The following AK4 variants were observed in gnomAD, a reference collection of about 807,000 sequenced individuals.
AK4 encodes adenylate kinase 4, also known as adenylate kinase 4, mitochondrial.
AK4 carries 13 observed loss-of-function variants against 24.6 expected under a neutral mutation model. The ratio of observed to expected loss-of-function variants is 0.53; its 90% confidence interval spans 0.34 to 0.84. The LOEUF is 0.84. Ranked by LOEUF, AK4 falls within the 40% of genes least tolerant of loss-of-function variation. The pLI, the probability that AK4 is intolerant of heterozygous loss-of-function variation, is 0.01. For synonymous variants in AK4, 88 were observed against 107.0 expected (o/e 0.82, Z 1.10); for missense variants, 192 against 288.2 (o/e 0.67, Z 2.42).
rs367909099 is a variant in AK4, at chr1:65,179,773, T to C, written c.146-10937T>C. Among the ~76,000 whole-genome samples, 7 of 152,154 alleles carry C rather than the reference T, an allele frequency of 4.6e-5. No individual in the cohort carries two copies. In the South Asian group the frequency reaches 1.0e-3, roughly 23 times the overall value. ...TCGCTTGAGTCTGGGAGGTCAAGTG[T>C]GCAGTGAGCTGTGATCACACCACTG... On this transcript the variant is annotated intron_variant, in intron 1 of 4. Transcript: ENST00000327299.
At chr1:65,179,306 G>A (rs1368850419) in intron 1 of AK4, among the ~76,000 whole-genome samples, 1 of 152,182 alleles carries the variant, frequency 6.6e-6, no homozygotes, top group Non-Finnish European at 1.5e-5. Context: ...AACATGCAAA[G>A]TTGTTTCTGT....
intron 2 of AK4, among the ~76,000 whole-genome samples, chr1:65,196,590 G>C (rs1040936566): frequency 6.6e-6 from 1 of 152,208 alleles, no homozygotes; most frequent in East Asian, 1.9e-4. Context: ...TCAGCCTCCT[G>C]AGTAGCTGGG....
At chr1:65,188,121 A>C (rs934503674) in intron 1 of AK4, among the ~76,000 whole-genome samples, 7 of 152,120 alleles carry the variant, frequency 4.6e-5, no homozygotes, top group African/African-American at 1.7e-4. Context: ...GAGGCCAGGC[A>C]TGGTGTCTCA....
chr1:65,204,258 T>C (rs1475438185), intron 2 of AK4, among the ~76,000 whole-genome samples: 1 of 151,754 alleles, frequency 6.6e-6, no homozygotes, highest in Non-Finnish European at 1.5e-5. Flanking sequence ...TGGAGTGCAG[T>C]GGCACAATCT....
chr1:65,220,032 A>G (rs1324908932), intron 3 of AK4, among the ~76,000 whole-genome samples: 2 of 152,160 alleles, frequency 1.3e-5, no homozygotes, highest in Non-Finnish European at 2.9e-5. Flanking sequence ...CCTTTCACTT[A>G]GTGATATGCA....
rs556673358 is a variant in AK4, at chr1:65,196,097, G to A, written c.265+5268G>A. On this transcript the variant is annotated intron_variant, in intron 2 of 4. Transcript: ENST00000327299. Reference sequence around the variant, plus strand: ...GCTCTGGAATAAATCCATTTGGCAAGGTGTGGAGTGCGAGGGATGCCTGGT... The same window carrying A: ...GCTCTGGAATAAATCCATTTGGCAAAGTGTGGAGTGCGAGGGATGCCTGGT... 1.2e-4 allele frequency among the ~76,000 whole-genome samples: 19 copies of A among 152,300 alleles called. 1 individual carries two copies. The East Asian group carries it at 3.7e-3, about 29-fold the overall frequency.
intron 2 of AK4, among the ~76,000 whole-genome samples, chr1:65,194,580 G>C (rs773576883): frequency 1.8e-4 from 28 of 152,114 alleles, no homozygotes; most frequent in Non-Finnish European, 3.7e-4. Flanking sequence ...TCTTGCCTCA[G>C]CCTCCCAAGT....
At chr1:65,196,781 T>A (rs146551445) in intron 2 of AK4, among the ~76,000 whole-genome samples, 3,624 of 152,110 alleles carry the variant, frequency 0.024, 50 homozygotes, top group Non-Finnish European at 0.037. Flanking sequence ...TTCACTTTTT[T>A]AAAAAAGGGT....
rs568529708 is a variant in AK4, at chr1:65,173,489, T to C, written c.146-17221T>C. On this transcript the variant is annotated intron_variant, in intron 1 of 4. Transcript: ENST00000327299. ...CTCTTCCTCAGATTGCATACTTCCC[T>C]GTAATTTTTCACTTCTGCGTTTCAG... 6.0e-5 allele frequency among the ~76,000 whole-genome samples: 9 copies of C among 149,692 alleles called. No individual in the cohort carries two copies. In the East Asian group the frequency reaches 1.5e-3, roughly 26 times the overall value.
At position 65,207,552 on chromosome 1, in the gene AK4, GTTT is replaced by G. The variant is rs398053072; in HGVS notation, c.266-11188_266-11186del. On this transcript the variant is annotated intron_variant, in intron 2 of 4. Transcript: ENST00000327299. ...TGCTGACATCTGGAGCACAGCTGCT[GTTT>G]TTTTTTTTTTTTTCCTTCTACTTTC... 2.9e-5 allele frequency among the ~76,000 whole-genome samples: 4 copies of G among 137,886 alleles called. No homozygotes were observed. The South Asian group carries it at 9.3e-4, about 32-fold the overall frequency. 90.5% of individuals were successfully genotyped at this position (137,886 alleles called of 152,430 possible).
At chr1:65,199,936 C>T (rs567093470) in intron 2 of AK4, among the ~76,000 whole-genome samples, 52 of 152,066 alleles carry the variant, frequency 3.4e-4, no homozygotes, top group African/African-American at 6.3e-4. Context: ...TAGAGATACT[C>T]GTACTTTCTA....
At chr1:65,194,751 A>G (rs1036904497) in intron 2 of AK4, among the ~76,000 whole-genome samples, 1 of 152,176 alleles carries the variant, frequency 6.6e-6, no homozygotes, top group Non-Finnish European at 1.5e-5. Context: ...CGTGAGCCAC[A>G]CCATGCCTGG....
Position 65,172,092 on chromosome 1 carries a change from TATATATATATA to T in AK4, c.146-18617_146-18607del, listed in dbSNP as rs1557444537. Among the ~76,000 whole-genome samples the T allele has an allele frequency of 6.9e-5, 8 of 116,680 alleles. No individual in the cohort carries two copies. In the South Asian group the frequency reaches 1.1e-3, roughly 17 times the overall value. The allele number at this position is 116,680 out of a possible 152,430, so 76.5% of individuals were successfully genotyped here. On this transcript the variant is annotated intron_variant, in intron 1 of 4. Transcript: ENST00000327299. The stretch of plus-strand genomic sequence containing the variant: ...ATATATATATATATATATATATATA[TATATATATATA>T]TTTAAACTCATTACACTTCCCAAAT...
At chr1:65,210,837 G>C (rs1425432550) in intron 2 of AK4, among the ~76,000 whole-genome samples, 1 of 152,086 alleles carries the variant, frequency 6.6e-6, no homozygotes, top group Non-Finnish European at 1.5e-5. Context: ...ATAGTAATTT[G>C]CTTATTTCTC....
Position 65,205,559 on chromosome 1 carries a change from T to A in AK4, c.266-13195T>A, listed in dbSNP as rs995940567. Among the ~76,000 whole-genome samples the A allele has an allele frequency of 7.2e-5, 11 of 152,154 alleles. No homozygotes were observed. In the East Asian group the frequency reaches 2.1e-3, roughly 29 times the overall value. On this transcript the variant is annotated intron_variant, in intron 2 of 4. Coordinates refer to ENST00000327299, the MANE Select transcript of AK4 (RefSeq NM_013410.4). ...CCTTTTCCACCTGTTTCAAGGTGAT[T>A]TTTTTTCACCCCGTATAGACTTTCT...
rs1557444521 is a variant in AK4, at chr1:65,172,090, TATATATATATATA to T, written c.146-18619_146-18607del. On this transcript the variant is annotated intron_variant, in intron 1 of 4. Transcript: ENST00000327299. Reference sequence around the variant, plus strand: ...ATATATATATATATATATATATATATATATATATATATATTTAAACTCATTACACTTCCCAAAT... The same window carrying T: ...ATATATATATATATATATATATATATTTTAAACTCATTACACTTCCCAAAT... Among the ~76,000 whole-genome samples the T allele has an allele frequency of 6.9e-5, 8 of 115,898 alleles. No individual in the cohort carries two copies. The East Asian group carries it at 8.9e-4, about 13-fold the overall frequency. 76.0% of individuals were successfully genotyped at this position (115,898 alleles called of 152,430 possible).
At chr1:65,152,209 G>C (rs987743733) in intron 1 of AK4, among the ~76,000 whole-genome samples, 7 of 150,522 alleles carry the variant, frequency 4.7e-5, no homozygotes, top group Non-Finnish European at 8.9e-5. Context: ...CATTATACTG[G>C]ATCTACTATC....
At chr1:65,214,235 T>C (rs1652055436) in intron 2 of AK4, among the ~76,000 whole-genome samples, 1 of 152,098 alleles carries the variant, frequency 6.6e-6, no homozygotes, top group Non-Finnish European at 1.5e-5. Context: ...CTCAGCCTCC[T>C]GAGTAGCTGA....
chr1:65,155,816 C>G (rs1649962740), intron 1 of AK4, among the ~76,000 whole-genome samples: 1 of 151,872 alleles, frequency 6.6e-6, no homozygotes, highest in South Asian at 2.1e-4. Flanking sequence ...ATTATAGGCA[C>G]TTGCCACCAT....
Sources: allele counts gnomAD v4.1 joint callset (sites outside exome capture counted in the v4.1 genomes callset), GRCh38; gene constraint gnomAD v4.1.1; transcripts MANE v1.5; gene names NCBI Gene and HGNC (gene_info 2026-07-23, HGNC 2026-07-21).